Variants in BBS5 observed in about 807,000 individuals in gnomAD.
BBS5 encodes BBSome complex member BBS5.
In BBS5, 39 loss-of-function variants were observed where a neutral mutation model predicts 50.2. The observed-to-expected ratio is 0.78, with a 90% CI of 0.60 to 1.01. BBS5 has a LOEUF of 1.01. Ranked by LOEUF, BBS5 falls within the 50% of genes least tolerant of loss-of-function variation. The pLI is 0.00. For missense variants in BBS5, 356 were observed against 401.5 expected (o/e 0.89, Z 0.97); for synonymous variants, 134 against 133.1 (o/e 1.01, Z -0.05).
chr2:169,487,451 G>A lies in BBS5; in HGVS notation c.208+317G>A, dbSNP rs557553093. Among the ~76,000 whole-genome samples the A allele has an allele frequency of 3.9e-5, 6 of 152,062 alleles. No homozygotes were observed. The East Asian group carries it at 9.7e-4, about 24-fold the overall frequency. ...CTAATAAAAGTATAATCTTTTCATTGTGTTAAATTTTGTTTCACTTATTTT... is the reference window on the plus strand; with the variant it reads ...CTAATAAAAGTATAATCTTTTCATTATGTTAAATTTTGTTTCACTTATTTT... On this transcript the variant is annotated intron_variant, in intron 3 of 11. Coordinates refer to ENST00000295240, the MANE Select transcript of BBS5 (RefSeq NM_152384.3).
At chr2:169,498,494 C>G (rs990517612) in intron 8 of BBS5, among the ~76,000 whole-genome samples, 6 of 151,950 alleles carry the variant, frequency 3.9e-5, no homozygotes, top group African/African-American at 1.2e-4. Context: ...AACTGGATAA[C>G]CATTTTATGG....
chr2:169,481,156 A>G (rs1228408744), intron 1 of BBS5, among the ~76,000 whole-genome samples: 1 of 152,224 alleles, frequency 6.6e-6, no homozygotes, highest in Non-Finnish European at 1.5e-5. Context: ...ACATACAGAC[A>G]ACCACTATAA....
chr2:169,493,780 G>C lies in BBS5; in HGVS notation c.562G>C (p.Val188Leu), dbSNP rs1168748881. The C allele has an allele frequency of 2.5e-6, 4 of 1,612,888 alleles. No homozygotes were observed. The highest frequency in any genetic ancestry group is 3.4e-6 in the Non-Finnish European group (4 of 1,179,144). Reference protein sequence around the residue: ...GTFFITNVRIVWHANMNDSFN... With the variant: ...GTFFITNVRILWHANMNDSFN... ...CTTTTTTATTACCAATGTGAGAATTGTGTGGCATGCAAATATGAATGATAG... is the reference window on the plus strand; with the variant it reads ...CTTTTTTATTACCAATGTGAGAATTCTGTGGCATGCAAATATGAATGATAG... The change falls in exon 7 of 12, where the codon GTG (valine) becomes CTG (leucine). Residue 188 changes from valine (V) to leucine (L), a missense_variant. Coordinates refer to ENST00000295240, the MANE Select transcript of BBS5 (RefSeq NM_152384.3).
At position 169,479,505 on chromosome 2, in the gene BBS5, G is replaced by A. The variant is rs774051337; in HGVS notation, c.-49G>A. 1.2e-6 allele frequency: 2 copies of A among 1,607,056 alleles called. No individual in the cohort carries two copies. Among genetic ancestry groups the A allele is most frequent in the South Asian group, 1.1e-5 (1 of 90,690 alleles). ...GTTGCCTTGGAGCCAGAGAGACGCA[G>A]CTAGGCCTGCACGGCTGTGGAGAGA... On this transcript the variant is annotated 5_prime_UTR_variant, in exon 1 of 12. Transcript: ENST00000295240.
intron 6 of BBS5, among the ~76,000 whole-genome samples, chr2:169,493,290 C>T (rs1008018290): frequency 2.6e-5 from 4 of 152,182 alleles, no homozygotes; most frequent in East Asian, 1.9e-4. Context: ...AGAGTAACTC[C>T]GCTCCTATCC....
At position 169,505,954 on chromosome 2, in the gene BBS5, G is replaced by C. The variant is rs1574346691; in HGVS notation, c.*1372G>C. 1.7e-5 allele frequency: 1 copy of C among 59,240 alleles called. No homozygotes were observed. Among genetic ancestry groups the C allele is most frequent in the South Asian group, 5.2e-4 (1 of 1,934 alleles). 3.7% of individuals were successfully genotyped at this position (59,240 alleles called of 1,614,324 possible). A position where few individuals can be genotyped will look rare whatever the true frequency, so the allele number is the denominator to read the frequency against. On this transcript the variant is annotated 3_prime_UTR_variant, in exon 12 of 12. Coordinates refer to ENST00000295240, the MANE Select transcript of BBS5 (RefSeq NM_152384.3). ...CAGCCACCCCGTCCGGGAGGGAGGT[G>C]GGGGGGTCAGCCCCCCGCCCGGCCA...
Position 169,505,222 on chromosome 2 carries a change from G to C in BBS5, c.*640G>C. On this transcript the variant is annotated 3_prime_UTR_variant, in exon 12 of 12. Transcript: ENST00000295240. ...TCCGCCAGCCTCGGCCTCCCGAGGT[G>C]CCGGGATTGCAGACGGAGTCTGGTT... The C allele has an allele frequency of 4.4e-5, 22 of 494,816 alleles. 1 individual carries two copies. Among genetic ancestry groups the C allele is most frequent in the Non-Finnish European group, 7.4e-5 (20 of 268,650 alleles). The allele number at this position is 494,816 out of a possible 1,614,324, so 30.7% of individuals were successfully genotyped here.
At chr2:169,480,155 C>G (rs1683364209) in intron 1 of BBS5, among the ~76,000 whole-genome samples, 2 of 152,160 alleles carry the variant, frequency 1.3e-5, no homozygotes, top group South Asian at 4.1e-4. Flanking sequence ...ACTTTATGTC[C>G]TTGGTAAGCT....
chr2:169,494,622 G>A (rs1441932092), intron 7 of BBS5, among the ~76,000 whole-genome samples: 1 of 151,812 alleles, frequency 6.6e-6, no homozygotes, highest in Non-Finnish European at 1.5e-5. Context: ...TTTGTTTTGG[G>A]AATAGGTAAA....
rs114971572 is a variant in BBS5 at position 169,481,311 on chromosome 2, T to G, written c.60-940T>G. 6.8e-3 allele frequency among the ~76,000 whole-genome samples: 1,031 copies of G among 152,314 alleles called. 16 individuals carry two copies. The highest frequency in any genetic ancestry group is 0.024 in the African/African-American group (979 of 41,566). On this transcript the variant is annotated intron_variant, in intron 1 of 11. Coordinates refer to ENST00000295240, the MANE Select transcript of BBS5 (RefSeq NM_152384.3). ...TGTTCCCTGAAGAATGGGCAGAGCC[T>G]TGTCAGGGTAGACAGGAGGAGAGTA...
rs1683349406 is a variant in BBS5, at chr2:169,479,631, C to A, written c.59+19C>A. On this transcript the variant is annotated intron_variant, in intron 1 of 11. Transcript: ENST00000295240. ...CCGCGCAGTGAGTTTCCAAGATTCC[C>A]GAGGGATCTTCAACCCTGTAGAGGG... The A allele has an allele frequency of 1.2e-6, 2 of 1,613,628 alleles. No individual in the cohort carries two copies. The highest frequency in any genetic ancestry group is 3.3e-5 in the Admixed American group (2 of 60,014).
At chr2:169,482,618 G>C (rs1683417552) in intron 2 of BBS5, 1 of 383,876 alleles carries the variant, frequency 2.6e-6, no homozygotes, top group African/African-American at 2.1e-5. Context: ...CTGACCGTTA[G>C]ATCTGTCTTC....
chr2:169,496,336 A>T (rs1208493175), intron 7 of BBS5, among the ~76,000 whole-genome samples: 1 of 152,184 alleles, frequency 6.6e-6, no homozygotes, highest in Non-Finnish European at 1.5e-5. Context: ...TGTTAATTAC[A>T]CTTAATCTAT....
rs1026112599 is a variant in BBS5, at chr2:169,482,570, T to G, written c.142+237T>G. 4.0e-5 allele frequency: 19 copies of G among 480,878 alleles called. No individual in the cohort carries two copies. In the Admixed American group the frequency reaches 6.0e-4, roughly 15 times the overall value. 29.8% of individuals were successfully genotyped at this position (480,878 alleles called of 1,614,324 possible). A position where few individuals can be genotyped will look rare whatever the true frequency, so the allele number is the denominator to read the frequency against. On this transcript the variant is annotated intron_variant, in intron 2 of 11. Coordinates refer to ENST00000295240, the MANE Select transcript of BBS5 (RefSeq NM_152384.3). The stretch of plus-strand genomic sequence containing the variant: ...CATCACCTTTATCCATTGTAGCTGT[T>G]AAAACTCAAGTAGACCTGTTTGCAA...
chr2:169,497,528 A>G, intron 7 of BBS5, 99 bp from the exon 8 acceptor site: 1 of 759,140 alleles, frequency 1.3e-6, no homozygotes, highest in South Asian at 1.6e-5. Flanking sequence ...TCTTTAGACT[A>G]TGAAAAGTAA....
At chr2:169,487,330 A>G (rs1385891995) in intron 3 of BBS5, among the ~76,000 whole-genome samples, 196 bp downstream of exon 3, 1 of 152,162 alleles carries the variant, frequency 6.6e-6, no homozygotes, top group Non-Finnish European at 1.5e-5. Flanking sequence ...GGACATATAG[A>G]AGATTAGGGC....
chr2:169,480,492 C>T (rs527400964), intron 1 of BBS5, among the ~76,000 whole-genome samples: 1 of 152,038 alleles, frequency 6.6e-6, no homozygotes, highest in South Asian at 2.1e-4. Flanking sequence ...CGTTCCTTAT[C>T]ATGGACCTCA....
At chr2:169,490,918 T>A (rs987662474) in intron 5 of BBS5, among the ~76,000 whole-genome samples, 14 of 152,224 alleles carry the variant, frequency 9.2e-5, no homozygotes, top group Admixed American at 9.2e-4. Flanking sequence ...ATATGTGGCC[T>A]TTTATGTCTG....
chr2:169,498,367 A>G (rs139980800), intron 8 of BBS5, among the ~76,000 whole-genome samples: 3,238 of 152,284 alleles, frequency 0.021, 127 homozygotes, highest in African/African-American at 0.074. Context: ...TCTAAATTTA[A>G]ACATGAATGT....
Sources: allele counts gnomAD v4.1 joint callset (sites outside exome capture counted in the v4.1 genomes callset), GRCh38; gene constraint gnomAD v4.1.1; transcripts MANE v1.5; gene names NCBI Gene and HGNC (gene_info 2026-07-23, HGNC 2026-07-21).